Variants in FAM135B observed in about 807,000 individuals in gnomAD.
FAM135B encodes the protein protein FAM135B.
FAM135B carries 43 observed loss-of-function variants against 127.7 expected under a neutral mutation model. That is an observed-to-expected ratio of 0.34 (90% CI 0.26 to 0.43). The LOEUF is 0.43. FAM135B is among the 20% of genes least tolerant of loss of function. FAM135B has a pLI of 1.00. For missense variants in FAM135B, 1,558 were observed against 1,725.6 expected (o/e 0.90, Z 1.72); for synonymous variants, 670 against 665.1 (o/e 1.01, Z -0.11).
intron 2 of FAM135B, among the ~76,000 whole-genome samples, chr8:138,350,975 C>T (rs569281915): frequency 1.3e-5 from 2 of 152,306 alleles, no homozygotes; most frequent in East Asian, 3.9e-4. Flanking sequence ...GGGTGACCAA[C>T]TCAATGCAGT....
chr8:138,240,971 A>G (rs533764391), intron 7 of FAM135B, among the ~76,000 whole-genome samples: 5 of 152,274 alleles, frequency 3.3e-5, no homozygotes, highest in Admixed American at 3.3e-4. Flanking sequence ...CAGGCAGTAG[A>G]TTCTGACGTT....
chr8:138,258,835 A>ACACC (rs1390212614), intron 4 of FAM135B, among the ~76,000 whole-genome samples: 1 of 145,872 alleles, frequency 6.9e-6, no homozygotes, highest in Non-Finnish European at 1.5e-5. Context: ...ACACACACAC[A>ACACC]CCATACACAC....
intron 1 of FAM135B, among the ~76,000 whole-genome samples, chr8:138,479,777 T>G (rs1219930393): frequency 6.6e-6 from 1 of 152,232 alleles, no homozygotes; most frequent in Non-Finnish European, 1.5e-5. Flanking sequence ...AGGTGCTTAT[T>G]AATATTTTTT....
At chr8:138,220,407 C>T (rs1310280397) in intron 7 of FAM135B, among the ~76,000 whole-genome samples, 1 of 152,122 alleles carries the variant, frequency 6.6e-6, no homozygotes, top group Admixed American at 6.5e-5. Flanking sequence ...CAAAAAGCAT[C>T]GTTGTTGAGC....
At chr8:138,423,701 A>T (rs969905892) in intron 1 of FAM135B, among the ~76,000 whole-genome samples, 3 of 152,180 alleles carry the variant, frequency 2.0e-5, no homozygotes, top group Non-Finnish European at 4.4e-5. Context: ...TTCATTGATA[A>T]CATCTTATCA....
chr8:138,310,688 G>C (rs983456531), intron 3 of FAM135B, among the ~76,000 whole-genome samples, 153 bp downstream of exon 3: 1 of 152,228 alleles, frequency 6.6e-6, no homozygotes, highest in African/African-American at 2.4e-5. Flanking sequence ...ACCTCCAACT[G>C]TTGGTTTCCA....
At chr8:138,376,476 G>A (rs1831480248) in intron 1 of FAM135B, among the ~76,000 whole-genome samples, 1 of 152,126 alleles carries the variant, frequency 6.6e-6, no homozygotes, top group East Asian at 1.9e-4. Context: ...CAGATCTCGA[G>A]CACCAAGAAG....
chr8:138,142,285 CTTCTTTT>C (rs553988285), intron 16 of FAM135B, among the ~76,000 whole-genome samples: 17,140 of 99,146 alleles, frequency 0.17, 2,064 homozygotes, highest in Non-Finnish European at 0.21. Flanking sequence ...CATTCTGCTT[CTTCTTTT>C]TTTTTTTTTT....
At chr8:138,426,008 T>TAC (rs1834842464) in intron 1 of FAM135B, among the ~76,000 whole-genome samples, 2 of 18,684 alleles carry the variant, frequency 1.1e-4, no homozygotes, top group African/African-American at 1.0e-3. Context: ...TATATATATA[T>TAC]ATATACACAC....
chr8:138,382,479 A>G (rs1203679264), intron 1 of FAM135B, among the ~76,000 whole-genome samples: 1 of 152,152 alleles, frequency 6.6e-6, no homozygotes, highest in Non-Finnish European at 1.5e-5. Flanking sequence ...AGTAAACCAC[A>G]GCAGGACATG....
chr8:138,495,963 A>G (rs1815374967), intron 1 of FAM135B, among the ~76,000 whole-genome samples: 1 of 152,190 alleles, frequency 6.6e-6, no homozygotes, highest in East Asian at 1.9e-4. Context: ...TTTTGCTGGC[A>G]AAGTGGGGTG....
At chr8:138,187,760 T>A (rs1168288080) in intron 9 of FAM135B, among the ~76,000 whole-genome samples, 1 of 152,234 alleles carries the variant, frequency 6.6e-6, no homozygotes, top group Non-Finnish European at 1.5e-5. Flanking sequence ...CCTGTGCCAA[T>A]GAGGTGACTC....
In FAM135B at chr8:138,141,855, G is replaced by A. The variant is rs919796607; in HGVS notation, c.3639-506C>T. Among the ~76,000 whole-genome samples the A allele has an allele frequency of 2.0e-5, 3 of 152,110 alleles. No individual in the cohort carries two copies. Among genetic ancestry groups the A allele is most frequent in the Non-Finnish European group, 4.4e-5 (3 of 68,024 alleles). On this transcript the variant is annotated intron_variant, in intron 16 of 19. Coordinates refer to ENST00000395297, the MANE Select transcript of FAM135B (RefSeq NM_015912.4). This position sits in a 1 kb window ranked among gnomAD's most constrained non-coding sequence, Gnocchi z 4.7. Reference sequence around the variant, plus strand: ...ACCCCCTCCTGCAGGCTCTGCTCCAGCCATACTGCTACTCACAGGCCCACG... The same window carrying A: ...ACCCCCTCCTGCAGGCTCTGCTCCAACCATACTGCTACTCACAGGCCCACG...
intron 1 of FAM135B, among the ~76,000 whole-genome samples, chr8:138,480,681 C>CT (rs1390962199): frequency 6.6e-6 from 1 of 152,200 alleles, no homozygotes; most frequent in African/African-American, 2.4e-5. Context: ...TGAAACAACA[C>CT]TAGGATGATC....
chr8:138,201,276 A>C (rs1817097606), intron 7 of FAM135B, among the ~76,000 whole-genome samples: 1 of 152,342 alleles, frequency 6.6e-6, no homozygotes, highest in Non-Finnish European at 1.5e-5. Context: ...CAAGGAATCT[A>C]TGAAGTCTCT....
intron 3 of FAM135B, among the ~76,000 whole-genome samples, chr8:138,299,960 G>GTATTTATT (rs900486450): frequency 2.0e-5 from 3 of 150,164 alleles, no homozygotes; most frequent in South Asian, 2.1e-4. Context: ...AGTGAGAGTG[G>GTATTTATT]TATTTATTTA....
chr8:138,440,356 C>A (rs1045384286), intron 1 of FAM135B: 3 of 151,848 alleles, frequency 2.0e-5, no homozygotes, highest in African/African-American at 7.3e-5. Context: ...AGAGGAATGT[C>A]TGGGTGCTAT....
At chr8:138,308,014 C>T (rs1264415791) in intron 3 of FAM135B, among the ~76,000 whole-genome samples, 1 of 152,174 alleles carries the variant, frequency 6.6e-6, no homozygotes, top group Non-Finnish European at 1.5e-5. Flanking sequence ...GCAGACAGTG[C>T]TTCCAATGAA....
chr8:138,220,413 TGAGCC>T (rs1296285023), intron 7 of FAM135B, among the ~76,000 whole-genome samples: 1 of 152,164 alleles, frequency 6.6e-6, no homozygotes, highest in Non-Finnish European at 1.5e-5. Context: ...GCATCGTTGT[TGAGCC>T]TGGAGCCTCT....
Sources: allele counts gnomAD v4.1 joint callset (sites outside exome capture counted in the v4.1 genomes callset), GRCh38; gene constraint gnomAD v4.1.1; non-coding constraint Gnocchi (gnomAD v3.1); transcripts MANE v1.5; gene names NCBI Gene and HGNC (gene_info 2026-07-23, HGNC 2026-07-21).